Variants in HOXD3 observed in about 807,000 individuals in gnomAD.
The protein encoded by HOXD3 is homeobox D3, also known as homeobox protein Hox-D3.
HOXD3 carries 13 observed loss-of-function variants against 32.8 expected under a neutral mutation model. That is an observed-to-expected ratio of 0.40 (90% CI 0.26 to 0.63). The LOEUF is 0.63. Among genes scored for constraint, HOXD3 ranks in the 20% least tolerant of loss-of-function variants. HOXD3 has a pLI of 0.44. For missense variants in HOXD3, 504 were observed against 577.1 expected, an observed-to-expected ratio of 0.87 and a Z score of 1.30; for synonymous variants, 241 against 246.8, an observed-to-expected ratio of 0.98 and a Z score of 0.22.
intron 2 of HOXD3, among the ~76,000 whole-genome samples, chr2:176,167,950 G>GTAT (rs1469935317): frequency 3.3e-5 from 5 of 152,088 alleles, no homozygotes; most frequent in Admixed American, 1.3e-4. Flanking sequence ...AAATGTCTGA[G>GTAT]GCTATAAGTA....
At chr2:176,167,837 C>G (rs1437615017) in intron 2 of HOXD3, among the ~76,000 whole-genome samples, 8 of 152,012 alleles carry the variant, frequency 5.3e-5, no homozygotes, top group Non-Finnish European at 8.8e-5. Context: ...ATTTATTGCA[C>G]TAACTACATG....
intron 2 of HOXD3, among the ~76,000 whole-genome samples, chr2:176,167,685 CCTT>C: frequency 1.0e-5 from 1 of 95,854 alleles, no homozygotes; most frequent in African/African-American, 4.6e-5. Context: ...GGGGGGAGAC[CCTT>C]TTTTTTTTTT....
At chr2:176,156,086 T>G (rs1690638923), upstream of HOXD3, among the ~76,000 whole-genome samples, 1 of 152,218 alleles carries the variant, frequency 6.6e-6, no homozygotes. Context: ...CTCCCTCCTG[T>G]TTGGTGCCTT....
chr2:176,163,158 G>A (rs1323332130), intron 1 of HOXD3, among the ~76,000 whole-genome samples: 1 of 152,188 alleles, frequency 6.6e-6, no homozygotes. Flanking sequence ...TAAGGGGTGA[G>A]TTATTGCGGT....
At chr2:176,158,462 G>A (rs1235469772) in intron 1 of HOXD3, among the ~76,000 whole-genome samples, 1 of 152,148 alleles carries the variant, frequency 6.6e-6, no homozygotes, top group African/African-American at 2.4e-5. Flanking sequence ...CTCCGACCCG[G>A]GCGCCTCTTC....
At position 176,171,826 on chromosome 2, in the gene HOXD3, G is replaced by A. The variant is rs1462673039; in HGVS notation, c.851G>A (p.Gly284Asp). The A allele has an allele frequency of 5.6e-6, 9 of 1,607,268 alleles. No individual in the cohort carries two copies. Among genetic ancestry groups the A allele is most frequent in the Admixed American group, 5.0e-5 (3 of 59,472 alleles). Residue 284 changes from glycine (G) to aspartate (D), a missense_variant, in exon 4 of 4, where the codon GGC becomes GAC. Physicochemically the swap from Gly to Asp is moderately conservative, Grantham distance 94. Coordinates refer to ENST00000683222, the MANE Select transcript of HOXD3 (RefSeq NM_006898.5). Reference sequence around the variant, plus strand: ...GCCGCTGGCCACGTGGCCTACTCCGGCCAGCTGCCGCCAGTGCCCGGCCTG... The same window carrying A: ...GCCGCTGGCCACGTGGCCTACTCCGACCAGCTGCCGCCAGTGCCCGGCCTG... ...GGAAGHVAYSGQLPPVPGLAY... is the reference protein window; with the variant it reads ...GGAAGHVAYSDQLPPVPGLAY...
At position 176,169,248 on chromosome 2, in the gene HOXD3, C is replaced by G. The variant is rs745970578; in HGVS notation, c.134C>G (p.Thr45Ser). 1.9e-6 allele frequency: 3 copies of G among 1,613,506 alleles called. No homozygotes were observed. The highest frequency in any genetic ancestry group is 2.5e-6 in the Non-Finnish European group (3 of 1,179,460). ...SKTTDTYGYS[T>S]PHQPYPPPAA... ...ACTACGGACACTTACGGCTACAGCA[C>G]CCCCCACCAGCCCTACCCACCCCCT... Residue 45 changes from threonine to serine, a missense_variant, in exon 3 of 4, where the codon ACC becomes AGC. Physicochemically the swap from Thr to Ser is moderately conservative, Grantham distance 58. This residue lies in a region of HOXD3 where 181 missense variants were observed against 172.2 expected (regional missense o/e 1.05). Transcript: ENST00000683222.
upstream of HOXD3, among the ~76,000 whole-genome samples, chr2:176,156,124 C>G (rs1690639494): frequency 6.6e-6 from 1 of 152,166 alleles, no homozygotes; most frequent in African/African-American, 2.4e-5. Context: ...TTTGTTAAGT[C>G]TTCTAAAAGC....
intron 1 of HOXD3, among the ~76,000 whole-genome samples, chr2:176,158,890 C>A (rs1465922598): frequency 7.4e-6 from 1 of 134,262 alleles, no homozygotes; most frequent in Non-Finnish European, 1.5e-5. Context: ...CCACAAAAAG[C>A]TTCCCCAGCC....
upstream of HOXD3, among the ~76,000 whole-genome samples, chr2:176,156,568 C>G (rs1403313848): frequency 6.6e-6 from 1 of 152,112 alleles, no homozygotes; most frequent in African/African-American, 2.4e-5. Context: ...TCTGACCTGA[C>G]CCCCGGGCCT....
rs757467990 is a variant in HOXD3 at position 176,171,529 on chromosome 2, A to G, written c.554A>G (p.Glu185Gly). 4 of 1,587,860 alleles carry G rather than the reference A, an allele frequency of 2.5e-6. No individual in the cohort carries two copies. Among genetic ancestry groups the G allele is most frequent in the Non-Finnish European group, 3.4e-6 (4 of 1,166,052 alleles). ...CCTCCCTGCCCAGGAGAGAGCTGCGAGGACAAGAGCCCGCCAGGCCCAGCA... is the reference window on the plus strand; with the variant it reads ...CCTCCCTGCCCAGGAGAGAGCTGCGGGGACAAGAGCCCGCCAGGCCCAGCA... Reference protein sequence around the residue: ...NSCATAGESCEDKSPPGPASK... With the variant: ...NSCATAGESCGDKSPPGPASK... Residue 185 changes from glutamate to glycine, a missense_variant, in exon 4 of 4, where the codon GAG becomes GGG. Transcript: ENST00000683222.
In HOXD3 at chr2:176,171,822, T is replaced by C; in HGVS notation, c.847T>C (p.Ser283Pro). ...LGGAAGHVAY[S>P]GQLPPVPGLA... Reference sequence around the variant, plus strand: ...CGGCGCCGCTGGCCACGTGGCCTACTCCGGCCAGCTGCCGCCAGTGCCCGG... The same window carrying C: ...CGGCGCCGCTGGCCACGTGGCCTACCCCGGCCAGCTGCCGCCAGTGCCCGG... The change falls in exon 4 of 4, where the codon TCC becomes CCC. Residue 283 changes from serine to proline, a missense_variant. By Grantham distance (74) the Ser-to-Pro change is moderately conservative. This residue lies in a region of HOXD3 where 226 missense variants were observed against 246.9 expected (regional missense o/e 0.92). Transcript: ENST00000683222. 6.2e-7 allele frequency: 1 copy of C among 1,609,032 alleles called. No individual in the cohort carries two copies. Among genetic ancestry groups the C allele is most frequent in the Non-Finnish European group, 8.5e-7 (1 of 1,177,706 alleles).
Position 176,171,827 on chromosome 2 carries a change from C to A in HOXD3, c.852C>A (p.Gly284=), listed in dbSNP as rs1691197371. Residue 284 remains glycine, a synonymous_variant, in exon 4 of 4, where the codon GGC becomes GGA. Coordinates refer to ENST00000683222, the MANE Select transcript of HOXD3 (RefSeq NM_006898.5). ...CCGCTGGCCACGTGGCCTACTCCGG[C>A]CAGCTGCCGCCAGTGCCCGGCCTGG... The part of the protein sequence containing the change: ...GGAAGHVAYS[G]QLPPVPGLAY... The A allele has an allele frequency of 1.2e-6, 2 of 1,607,530 alleles. No homozygotes were observed. Among genetic ancestry groups the A allele is most frequent in the African/African-American group, 1.3e-5 (1 of 74,754 alleles).
At position 176,163,727 on chromosome 2, in the gene HOXD3, C is replaced by A. The variant is rs1389070121; in HGVS notation, c.-180-346C>A. On this transcript the variant is annotated intron_variant, in intron 1 of 3. Transcript: ENST00000683222. ...TGCCCCTAGGAGAGTGTTTGGCTTCCGGGATTGGGACCTGGAGGAGCATTT... is the reference window on the plus strand; with the variant it reads ...TGCCCCTAGGAGAGTGTTTGGCTTCAGGGATTGGGACCTGGAGGAGCATTT... Among the ~76,000 whole-genome samples, 6 of 152,060 alleles carry A rather than the reference C, an allele frequency of 3.9e-5. No individual in the cohort carries two copies. In the East Asian group the frequency reaches 7.7e-4, roughly 20 times the overall value.
rs1279021798 is a variant in HOXD3 at position 176,172,660 on chromosome 2, T to TA, written c.*388dup. The TA allele has an allele frequency of 8.8e-6, 2 of 228,210 alleles. No homozygotes were observed. Among genetic ancestry groups the TA allele is most frequent in the Admixed American group, 1.0e-4 (2 of 19,930 alleles). The allele number at this position is 228,210 out of a possible 1,614,324, so 14.1% of individuals were successfully genotyped here. A position where few individuals can be genotyped will look rare whatever the true frequency, so the allele number is the denominator to read the frequency against. On this transcript the variant is annotated 3_prime_UTR_variant, in exon 4 of 4. Coordinates refer to ENST00000683222, the MANE Select transcript of HOXD3 (RefSeq NM_006898.5). ...GCGTCTAGCTTAGTTTCAGAGACCT[T>TA]AATTTATATTCTCCTTCCTGTGCCG...
chr2:176,155,008 C>G (rs1690615889), upstream of HOXD3, among the ~76,000 whole-genome samples: 1 of 152,176 alleles, frequency 6.6e-6, no homozygotes, highest in Non-Finnish European at 1.5e-5. Context: ...ATTTGATTAG[C>G]TGTATTTCAG....
chr2:176,169,004 T>C, intron 2 of HOXD3, 27 bp from the exon 3 acceptor site: 1 of 1,470,070 alleles, frequency 6.8e-7, no homozygotes, highest in Non-Finnish European at 9.0e-7. Context: ...ACACTCCCTC[T>C]GGGGCCTCTT....
rs558740204 is a variant in HOXD3, at chr2:176,159,300, G to C, written c.-181+1848G>C. Among the ~76,000 whole-genome samples, 986 of 152,234 alleles carry C rather than the reference G, an allele frequency of 6.5e-3. 13 individuals carry two copies. The highest frequency in any genetic ancestry group is 0.023 in the African/African-American group (952 of 41,544). On this transcript the variant is annotated intron_variant, in intron 1 of 3. Transcript: ENST00000683222. The stretch of plus-strand genomic sequence containing the variant: ...ACGCCCCGAGTGGGCCTCTGGCCAG[G>C]CCCGGCCAGGTGAACAAAAGGATGG...
At chr2:176,170,876 T>C (rs189470418) in intron 3 of HOXD3, among the ~76,000 whole-genome samples, 1 of 149,510 alleles carries the variant, frequency 6.7e-6, no homozygotes, top group East Asian at 2.0e-4. Context: ...GGCCTTGGAC[T>C]CCCTAAAATA....
Sources: allele counts gnomAD v4.1 joint callset (sites outside exome capture counted in the v4.1 genomes callset), GRCh38; gene constraint gnomAD v4.1.1; regional missense constraint gnomAD v4.1.1; transcripts MANE v1.5; gene names NCBI Gene and HGNC (gene_info 2026-07-23, HGNC 2026-07-21).